INPP5A: variants seen among roughly 807,000 people sequenced by gnomAD.
INPP5A encodes the protein inositol polyphosphate-5-phosphatase A, also known as 43 kDa inositol polyphosphate 5-phophatase.
A neutral mutation model predicts 65.2 loss-of-function variants in INPP5A; 14 were observed. The observed-to-expected ratio is 0.21, with a 90% CI of 0.14 to 0.34. The LOEUF (loss-of-function observed/expected upper bound fraction) is 0.34. INPP5A is among the 10% of genes least tolerant of loss of function. The pLI is 1.00. For synonymous variants in INPP5A, 207 were observed against 208.3 expected, an observed-to-expected ratio of 0.99 and a Z score of 0.05; for missense variants, 431 against 545.6, an observed-to-expected ratio of 0.79 and a Z score of 2.09.
At chr10:132,734,284 C>T (rs113512236) in intron 9 of INPP5A, among the ~76,000 whole-genome samples, 3,641 of 152,288 alleles carry the variant, frequency 0.024, 135 homozygotes, top group African/African-American at 0.082. Flanking sequence ...CTCGGTGCTC[C>T]CTGAGGCTGT....
At chr10:132,620,601 A>G (rs2072095731) in intron 2 of INPP5A, among the ~76,000 whole-genome samples, 1 of 152,250 alleles carries the variant, frequency 6.6e-6, no homozygotes, top group Non-Finnish European at 1.5e-5. Flanking sequence ...TTATGGGAAT[A>G]TTAATATAAT....
intron 11 of INPP5A, among the ~76,000 whole-genome samples, chr10:132,761,961 CAG>C (rs1407629564): frequency 6.6e-5 from 10 of 151,930 alleles, no homozygotes; most frequent in African/African-American, 2.4e-4. Context: ...AAAATCCCAA[CAG>C]ATAAAAAAAA....
intron 8 of INPP5A, among the ~76,000 whole-genome samples, chr10:132,722,046 G>C (rs576879471): frequency 1.3e-5 from 2 of 152,324 alleles, no homozygotes; most frequent in African/African-American, 4.8e-5. Flanking sequence ...GAACCATGCA[G>C]TGAGGTGTTT....
At chr10:132,756,094 G>A (rs556741440) in intron 11 of INPP5A, among the ~76,000 whole-genome samples, 99 of 152,296 alleles carry the variant, frequency 6.5e-4, no homozygotes, top group African/African-American at 2.3e-3. Context: ...AAGTAAAGAT[G>A]GCAACACACT....
chr10:132,730,892 C>G (rs1257191711), intron 9 of INPP5A, among the ~76,000 whole-genome samples: 1 of 152,208 alleles, frequency 6.6e-6, no homozygotes, highest in African/African-American at 2.4e-5. Flanking sequence ...CATTTTAATT[C>G]AGATCTGATA....
chr10:132,568,978 C>T (rs780905495), intron 1 of INPP5A, among the ~76,000 whole-genome samples: 6 of 147,334 alleles, frequency 4.1e-5, no homozygotes, highest in East Asian at 4.0e-4. Context: ...TGCGATGGCA[C>T]GATCTCGGCT....
Position 132,782,044 on chromosome 10 carries a change from A to C in INPP5A, c.*15A>C. 2 of 1,586,958 alleles carry C rather than the reference A, an allele frequency of 1.3e-6. No individual in the cohort carries two copies. Among genetic ancestry groups the C allele is most frequent in the Non-Finnish European group, 1.7e-6 (2 of 1,164,324 alleles). On this transcript the variant is annotated 3_prime_UTR_variant, in exon 16 of 16. Transcript: ENST00000368594. The surrounding 1 kb of genome is among the most constrained non-coding windows in gnomAD (Gnocchi z 4.4). The stretch of plus-strand genomic sequence containing the variant: ...TTACGAATTCCGTGACAGGGAAGAG[A>C]TGCCAGCGCCACGAGAGGACACTTC...
rs2070857698 is a variant in INPP5A at position 132,537,841 on chromosome 10, A to C, written c.-256A>C. 12 of 304,506 alleles carry C rather than the reference A, an allele frequency of 3.9e-5. No individual in the cohort carries two copies. The highest frequency in any genetic ancestry group is 5.4e-5 in the Non-Finnish European group (9 of 166,968). The allele number at this position is 304,506 out of a possible 1,614,324, so 18.9% of individuals were successfully genotyped here. A position where few individuals can be genotyped will look rare whatever the true frequency, so the allele number is the denominator to read the frequency against. On this transcript the variant is annotated 5_prime_UTR_variant, in exon 1 of 16. An upstream start codon of the reference 5' UTR is lost. Transcript: ENST00000368594. ...TGCGGGAACTTTCCCAGCGGATCTA[A>C]TGGCTGCGCGCGGGCCGCTGTGAGG...
At chr10:132,540,576 C>T (rs76261968) in intron 1 of INPP5A, among the ~76,000 whole-genome samples, 2,284 of 152,346 alleles carry the variant, frequency 0.015, 32 homozygotes, top group South Asian at 0.038. Flanking sequence ...ATTCCCAGGC[C>T]CCCTTCCTTG....
chr10:132,691,690 C>G (rs1273891649), intron 5 of INPP5A, among the ~76,000 whole-genome samples: 1 of 152,224 alleles, frequency 6.6e-6, no homozygotes, highest in African/African-American at 2.4e-5. Flanking sequence ...TCCATGTGGC[C>G]AAACTAACAA....
intron 8 of INPP5A, among the ~76,000 whole-genome samples, chr10:132,715,078 C>T (rs910695648): frequency 1.3e-5 from 2 of 152,190 alleles, no homozygotes; most frequent in African/African-American, 4.8e-5. Context: ...TGGGGGCAGC[C>T]CCGGTCCCTC....
intron 1 of INPP5A, among the ~76,000 whole-genome samples, chr10:132,598,332 T>C (rs2071733924): frequency 6.6e-6 from 1 of 152,230 alleles, no homozygotes; most frequent in South Asian, 2.1e-4. Context: ...TAACCATCAC[T>C]GTCATCCATC....
intron 12 of INPP5A, among the ~76,000 whole-genome samples, chr10:132,767,652 C>T (rs1410867107): frequency 6.6e-6 from 1 of 152,214 alleles, no homozygotes; most frequent in Admixed American, 6.5e-5. Flanking sequence ...TGAAGTCTGA[C>T]TGCTAGACAC....
Position 132,628,472 on chromosome 10 carries a change from G to GT in INPP5A, c.118-17396_118-17395insT, listed in dbSNP as rs935361636. On this transcript the variant is annotated intron_variant, in intron 2 of 15. Transcript: ENST00000368594. The stretch of plus-strand genomic sequence containing the variant: ...AGATGTGCTCTGGTGGCGGGGGGGG[G>GT]GGGGGGCGTGGCGTGGGGGACACGT... 1.0e-4 allele frequency among the ~76,000 whole-genome samples: 15 copies of GT among 150,448 alleles called. 1 individual carries two copies. The highest frequency in any genetic ancestry group is 2.0e-4 in the East Asian group (1 of 5,076).
chr10:132,763,568 C>G (rs905301369), intron 11 of INPP5A, among the ~76,000 whole-genome samples: 5 of 151,672 alleles, frequency 3.3e-5, no homozygotes, highest in Non-Finnish European at 7.4e-5. Flanking sequence ...TGCATGCAAA[C>G]ACACACATGC....
At position 132,707,497 on chromosome 10, in the gene INPP5A, G is replaced by A. The variant is rs910383853; in HGVS notation, c.475-816G>A. 1.1e-4 allele frequency among the ~76,000 whole-genome samples: 16 copies of A among 152,176 alleles called. No homozygotes were observed. The highest frequency in any genetic ancestry group is 3.6e-4 in the African/African-American group (15 of 41,444). ...AAATTAAAATTAATGAAGATAAAAT[G>A]GAATCTAAAATTCAGTTCTTCAGTC... On this transcript the variant is annotated intron_variant, in intron 6 of 15. Coordinates refer to ENST00000368594, the MANE Select transcript of INPP5A (RefSeq NM_005539.5). The surrounding 1 kb of genome is among the most constrained non-coding windows in gnomAD (Gnocchi z 5.5).
At chr10:132,646,345 G>A (rs910212398) in intron 3 of INPP5A, among the ~76,000 whole-genome samples, 7 of 152,190 alleles carry the variant, frequency 4.6e-5, no homozygotes, top group Admixed American at 4.6e-4. Flanking sequence ...TCGGCAGGGA[G>A]CGTCTATCCT....
rs1382121824 is a variant in INPP5A, at chr10:132,764,082, C to CCGTA, written c.904-1690_904-1689insGTAC. Among the ~76,000 whole-genome samples, 8 of 152,378 alleles carry CCGTA rather than the reference C, an allele frequency of 5.3e-5. No individual in the cohort carries two copies. The South Asian group carries it at 8.3e-4, about 16-fold the overall frequency. On this transcript the variant is annotated intron_variant, in intron 11 of 15. Coordinates refer to ENST00000368594, the MANE Select transcript of INPP5A (RefSeq NM_005539.5). ...CCCTGGAAGGGGAACTGGAGCTGTA[C>CCGTA]CCTCTTAGGAGGCAGGAGGCAGTGG...
chr10:132,781,415 T>G (rs1191695513), intron 14 of INPP5A, among the ~76,000 whole-genome samples: 2 of 152,120 alleles, frequency 1.3e-5, no homozygotes, highest in African/African-American at 4.8e-5. Flanking sequence ...TCAAATCTCA[T>G]TTTCAGCCAA....
Sources: gnomAD v4.1 joint callset for allele counts (sites outside exome capture counted in the v4.1 genomes callset) on GRCh38, gnomAD v4.1.1 for gene constraint, Gnocchi (gnomAD v3.1) non-coding constraint, MANE v1.5 for transcripts, NCBI Gene and HGNC (gene_info 2026-07-23, HGNC 2026-07-21) for gene names.